The following KCNJ3 variants were observed in gnomAD, a reference collection of about 807,000 sequenced individuals.
KCNJ3 encodes the protein potassium inwardly rectifying channel subfamily J member 3, also known as G protein-activated inward rectifier potassium channel 1.
KCNJ3 carries 4 observed loss-of-function variants against 39.2 expected under a neutral mutation model. The ratio of observed to expected loss-of-function variants is 0.10; its 90% CI spans 0.05 to 0.23. The LOEUF (loss-of-function observed/expected upper bound fraction) is 0.23. KCNJ3 is among the 10% of genes least tolerant of loss of function. The probability of loss-of-function intolerance (pLI) is 1.00; values close to 1 mark genes in which losing one functional copy is unlikely to be tolerated. For missense variants in KCNJ3, 276 were observed against 634.9 expected, an observed-to-expected ratio of 0.43 and a Z score of 6.08; for synonymous variants, 230 against 237.4, an observed-to-expected ratio of 0.97 and a Z score of 0.29.
intron 2 of KCNJ3, among the ~76,000 whole-genome samples, chr2:154,739,244 T>C (rs1371794448): frequency 6.6e-6 from 1 of 152,050 alleles, no homozygotes; most frequent in African/African-American, 2.4e-5. Flanking sequence ...GAGAACTAAG[T>C]GTTATTTTTA....
At chr2:154,723,770 T>G (rs1685303305) in intron 2 of KCNJ3, among the ~76,000 whole-genome samples, 1 of 152,144 alleles carries the variant, frequency 6.6e-6, no homozygotes, top group African/African-American at 2.4e-5. Flanking sequence ...TTGTCCAAAT[T>G]ATTAATTTTA....
rs552120206 is a variant in KCNJ3 at position 154,855,731 on chromosome 2, CTG to C, written c.*432_*433del. The stretch of plus-strand genomic sequence containing the variant: ...CAGGGCGATAAAACTAAATATATGT[CTG>C]TGTGTGTGTGTGTATGTATACACAC... On this transcript the variant is annotated 3_prime_UTR_variant, in exon 3 of 3. Coordinates refer to ENST00000295101, the MANE Select transcript of KCNJ3 (RefSeq NM_002239.4). The C allele has an allele frequency of 3.5e-4, 55 of 155,638 alleles. No individual in the cohort carries two copies. Among genetic ancestry groups the C allele is most frequent in the South Asian group, 9.3e-4 (5 of 5,380 alleles). 9.6% of individuals were successfully genotyped at this position (155,638 alleles called of 1,614,324 possible). A position where few individuals can be genotyped will look rare whatever the true frequency, so the allele number is the denominator to read the frequency against.
chr2:154,846,855 T>C (rs1033426824), intron 2 of KCNJ3, among the ~76,000 whole-genome samples: 1 of 152,202 alleles, frequency 6.6e-6, no homozygotes, highest in Non-Finnish European at 1.5e-5. Flanking sequence ...AAAATTCTTA[T>C]TGAAGCTTTA....
At chr2:154,825,583 T>C (rs897991351) in intron 2 of KCNJ3, among the ~76,000 whole-genome samples, 1 of 147,854 alleles carries the variant, frequency 6.8e-6, no homozygotes, top group East Asian at 2.1e-4. Context: ...TTTATTTATT[T>C]ATTATTTTTT....
chr2:154,748,915 G>A (rs1683956513), intron 2 of KCNJ3, among the ~76,000 whole-genome samples: 3 of 152,112 alleles, frequency 2.0e-5, no homozygotes, highest in African/African-American at 7.2e-5. Context: ...TCACTTCACA[G>A]TGAAAAATGA....
chr2:154,747,341 T>G (rs1169513489), intron 2 of KCNJ3, among the ~76,000 whole-genome samples: 1 of 151,890 alleles, frequency 6.6e-6, no homozygotes, highest in Non-Finnish European at 1.5e-5. Flanking sequence ...GATTAAAGGG[T>G]TTTTGAGGGG....
At chr2:154,833,980 T>C (rs1204785293) in intron 2 of KCNJ3, among the ~76,000 whole-genome samples, 3 of 152,196 alleles carry the variant, frequency 2.0e-5, no homozygotes, top group African/African-American at 2.4e-5. Context: ...TAAATAAAGC[T>C]GCTATAAACA....
intron 2 of KCNJ3, among the ~76,000 whole-genome samples, chr2:154,795,176 C>A (rs1686701302): frequency 6.6e-6 from 1 of 151,870 alleles, no homozygotes; most frequent in Admixed American, 6.6e-5. Context: ...TTTAAACAGC[C>A]ATAATTTCTT....
intron 2 of KCNJ3, among the ~76,000 whole-genome samples, chr2:154,729,791 A>G (rs1685421043): frequency 6.6e-6 from 1 of 152,192 alleles, no homozygotes; most frequent in East Asian, 1.9e-4. Context: ...TATAAAGCAA[A>G]CTGTAATGAA....
At chr2:154,796,062 A>G (rs1686714827) in intron 2 of KCNJ3, among the ~76,000 whole-genome samples, 1 of 152,096 alleles carries the variant, frequency 6.6e-6, no homozygotes, top group Non-Finnish European at 1.5e-5. Context: ...TTTAACTATC[A>G]TGTATATAAC....
At chr2:154,812,405 A>C (rs2105102622) in intron 2 of KCNJ3, among the ~76,000 whole-genome samples, 1 of 152,290 alleles carries the variant, frequency 6.6e-6, no homozygotes, top group African/African-American at 2.4e-5. Flanking sequence ...AGTTAGGACA[A>C]AAATTATAAT....
intron 2 of KCNJ3, among the ~76,000 whole-genome samples, chr2:154,811,995 A>G: frequency 6.6e-6 from 1 of 152,186 alleles, no homozygotes; most frequent in African/African-American, 2.4e-5. Context: ...CCTGTTCAGC[A>G]TCCGTTTCTA....
chr2:154,727,609 A>AAAAAG (rs1282835197), intron 2 of KCNJ3, among the ~76,000 whole-genome samples: 4 of 151,044 alleles, frequency 2.6e-5, no homozygotes, highest in East Asian at 3.9e-4. Context: ...AAAAAAAAAA[A>AAAAAG]AGAGAGAAAA....
At chr2:154,786,621 T>C (rs919799111) in intron 2 of KCNJ3, among the ~76,000 whole-genome samples, 2 of 152,140 alleles carry the variant, frequency 1.3e-5, no homozygotes, top group African/African-American at 4.8e-5. Context: ...TACGTATATA[T>C]GTATTCAAGA....
intron 2 of KCNJ3, among the ~76,000 whole-genome samples, chr2:154,840,762 T>C (rs1472361864): frequency 6.6e-6 from 1 of 152,190 alleles, no homozygotes; most frequent in African/African-American, 2.4e-5. Context: ...GAAATGCTTG[T>C]GATTTTTGCA....
At chr2:154,725,562 G>A (rs866877173) in intron 2 of KCNJ3, among the ~76,000 whole-genome samples, 26 of 151,726 alleles carry the variant, frequency 1.7e-4, no homozygotes, top group African/African-American at 5.8e-4. Flanking sequence ...TAATTTTCCT[G>A]TATCAAACTT....
At chr2:154,762,588 G>T (rs977753786) in intron 2 of KCNJ3, among the ~76,000 whole-genome samples, 2 of 152,082 alleles carry the variant, frequency 1.3e-5, no homozygotes, top group African/African-American at 4.8e-5. Flanking sequence ...TTGGGAACTT[G>T]GTTTCCTTTT....
At chr2:154,752,118 A>G (rs759200899) in intron 2 of KCNJ3, among the ~76,000 whole-genome samples, 4 of 152,034 alleles carry the variant, frequency 2.6e-5, no homozygotes, top group Non-Finnish European at 5.9e-5. Context: ...TTCCTTTTAT[A>G]CATTTCCATA....
chr2:154,715,662 A>G (rs1325605952), intron 2 of KCNJ3, among the ~76,000 whole-genome samples: 2 of 152,222 alleles, frequency 1.3e-5, no homozygotes, highest in Non-Finnish European at 2.9e-5. Context: ...TTTGTGAGTA[A>G]GGTGCTTATA....
Sources: allele counts gnomAD v4.1 joint callset (sites outside exome capture counted in the v4.1 genomes callset), GRCh38; gene constraint gnomAD v4.1.1; transcripts MANE v1.5; gene names NCBI Gene and HGNC (gene_info 2026-07-23, HGNC 2026-07-21).